Variants in RMDN1 observed in about 807,000 individuals in gnomAD.
The protein encoded by RMDN1 is regulator of microtubule dynamics protein 1.
RMDN1 carries 48 observed loss-of-function variants against 48.9 expected under a neutral mutation model. The observed-to-expected ratio is 0.98, with a 90% CI of 0.78 to 1.25. The LOEUF is 1.25. Ranked by LOEUF, RMDN1 falls within the 50% of genes most tolerant of loss-of-function variation. The pLI, the probability that RMDN1 is intolerant of heterozygous loss-of-function variation, is 0.00. For missense variants in RMDN1, 418 were observed against 373.4 expected (o/e 1.12, Z -0.98); for synonymous variants, 148 against 132.6 (o/e 1.12, Z -0.80).
Position 86,497,578 on chromosome 8 carries a change from G to A in RMDN1, c.248-8939C>T, listed in dbSNP as rs983949509. On this transcript the variant is annotated intron_variant, in intron 2 of 9. Coordinates refer to ENST00000406452, the MANE Select transcript of RMDN1 (RefSeq NM_016033.3). ...TAGCCAGGCATGGTGGCACACACCT[G>A]TAATCCCAGCTACTTGGGAGGCCAA... Among the ~76,000 whole-genome samples the A allele has an allele frequency of 5.3e-5, 8 of 151,910 alleles. No individual in the cohort carries two copies. The East Asian group carries it at 1.2e-3, about 22-fold the overall frequency.
In RMDN1 at chr8:86,508,488, G is replaced by A. The variant is rs959859541; in HGVS notation, c.129+4C>T. The A allele has an allele frequency of 3.2e-6, 5 of 1,544,908 alleles. No individual in the cohort carries two copies. Among genetic ancestry groups the A allele is most frequent in the Non-Finnish European group, 4.4e-6 (5 of 1,145,396 alleles). On this transcript the variant is annotated splice_donor_region_variant and intron_variant, in intron 1 of 9. Transcript: ENST00000406452. Reference sequence around the variant, plus strand: ...AGGAGCGGGAGCCAGGACCACGGGGGTACCTCGAAGCCGCGGAATCGACAG... The same window carrying A: ...AGGAGCGGGAGCCAGGACCACGGGGATACCTCGAAGCCGCGGAATCGACAG...
chr8:86,490,915 T>C (rs1816377800), intron 2 of RMDN1, among the ~76,000 whole-genome samples: 1 of 151,876 alleles, frequency 6.6e-6, no homozygotes, highest in African/African-American at 2.4e-5. Context: ...CCCAACACTT[T>C]GGGAGGCTGA....
intron 3 of RMDN1, among the ~76,000 whole-genome samples, chr8:86,487,380 G>A (rs141327295): frequency 2.0e-4 from 30 of 152,184 alleles, no homozygotes; most frequent in Non-Finnish European, 4.0e-4. Context: ...AAGGCGGGCA[G>A]ATCACCTGAG....
At position 86,474,305 on chromosome 8, in the gene RMDN1, T is replaced by C; in HGVS notation, c.*3A>G. On this transcript the variant is annotated 3_prime_UTR_variant, in exon 10 of 10. Coordinates refer to ENST00000406452, the MANE Select transcript of RMDN1 (RefSeq NM_016033.3). The stretch of plus-strand genomic sequence containing the variant: ...TATTTCATAAATCTTCTCTGAAAAG[T>C]TCTCAATTCTTCTCACTGAAACTTG... 6.2e-7 allele frequency: 1 copy of C among 1,613,490 alleles called. No individual in the cohort carries two copies. The highest frequency in any genetic ancestry group is 8.5e-7 in the Non-Finnish European group (1 of 1,179,760).
intron 2 of RMDN1, among the ~76,000 whole-genome samples, chr8:86,502,868 C>T (rs1818498462): frequency 2.0e-5 from 3 of 152,156 alleles, no homozygotes; most frequent in Admixed American, 6.6e-5. Flanking sequence ...TCAAACTCAA[C>T]CCTTTAAAAA....
intron 2 of RMDN1, among the ~76,000 whole-genome samples, chr8:86,498,149 G>C (rs935217975): frequency 1.4e-4 from 21 of 151,952 alleles, no homozygotes; most frequent in African/African-American, 5.1e-4. Context: ...ATACAAACTA[G>C]AAAACACAGA....
chr8:86,483,690 G>A (rs1387146483), intron 5 of RMDN1, among the ~76,000 whole-genome samples: 1 of 152,092 alleles, frequency 6.6e-6, no homozygotes. Context: ...ATATAAACTA[G>A]GAATTGACAC....
intron 2 of RMDN1, chr8:86,504,508 A>G (rs1818946146): frequency 2.0e-6 from 3 of 1,506,066 alleles, no homozygotes; most frequent in Non-Finnish European, 2.8e-6. Context: ...CTATGCCACC[A>G]TTGGTGCACG....
Position 86,473,176 on chromosome 8 carries a change from A to G in RMDN1, c.*1132T>C. ...TCCTTTTTGTTTGAAAATGTACATGACAAACATATCCATACAGTTCATTGT... is the reference window on the plus strand; with the variant it reads ...TCCTTTTTGTTTGAAAATGTACATGGCAAACATATCCATACAGTTCATTGT... On this transcript the variant is annotated 3_prime_UTR_variant, in exon 10 of 10. Coordinates refer to ENST00000406452, the MANE Select transcript of RMDN1 (RefSeq NM_016033.3). 2 of 985,174 alleles carry G rather than the reference A, an allele frequency of 2.0e-6. No homozygotes were observed. The highest frequency in any genetic ancestry group is 2.4e-6 in the Non-Finnish European group (2 of 829,766). 61.0% of individuals were successfully genotyped at this position (985,174 alleles called of 1,614,324 possible). A position where few individuals can be genotyped will look rare whatever the true frequency, so the allele number is the denominator to read the frequency against.
chr8:86,478,108 C>T (rs990788693), intron 7 of RMDN1: 6 of 152,202 alleles, frequency 3.9e-5, no homozygotes, highest in African/African-American at 1.4e-4. Context: ...TGGTCTCAAA[C>T]TCCCAGGCTC....
At chr8:86,480,427 A>C in intron 5 of RMDN1, 95 bp from the exon 6 acceptor site, 1 of 618,096 alleles carries the variant, frequency 1.6e-6, no homozygotes, top group Non-Finnish European at 2.8e-6. Context: ...TTTTTAAAAA[A>C]TGCAACTGTG....
upstream of RMDN1, chr8:86,514,351 A>T (rs62510803): frequency 4.0e-6 from 3 of 744,498 alleles, no homozygotes; most frequent in Non-Finnish European, 4.9e-6. Context: ...CTCCCTGCGG[A>T]TGGGCTGATC....
Position 86,488,584 on chromosome 8 carries a change from T to A in RMDN1, c.303A>T (p.Lys101Asn), listed in dbSNP as rs1338159815. 6.2e-7 allele frequency: 1 copy of A among 1,611,140 alleles called. No homozygotes were observed. Among genetic ancestry groups the A allele is most frequent in the Non-Finnish European group, 8.5e-7 (1 of 1,178,614 alleles). Residue 101 changes from lysine (K) to asparagine (N), a missense_variant, in exon 3 of 10, where the codon AAA becomes AAT. Transcript: ENST00000406452. ...TGTATTGGGTTAGCAACTGATAAAG[T>A]TTTTCTGTTTCTCCGCTTTCATACA... Reference protein sequence around the residue: ...DYLYESGETEKLYQLLTQYKE... With the variant: ...DYLYESGETENLYQLLTQYKE...
chr8:86,503,385 A>AAAAAAC (rs1554594088), intron 2 of RMDN1, among the ~76,000 whole-genome samples: 16 of 81,070 alleles, frequency 2.0e-4, no homozygotes, highest in African/African-American at 8.9e-4. Flanking sequence ...AAAAAAAAAA[A>AAAAAAC]AAAACAAAAA....
chr8:86,475,124 TA>T (rs991307387), intron 8 of RMDN1, 171 bp from the exon 9 acceptor site: 60 of 528,006 alleles, frequency 1.1e-4, no homozygotes, highest in African/African-American at 1.1e-3. Context: ...ATTTGTAAAA[TA>T]ATAATTACCA....
At chr8:86,490,019 G>A (rs943483407) in intron 2 of RMDN1, among the ~76,000 whole-genome samples, 15 of 152,046 alleles carry the variant, frequency 9.9e-5, no homozygotes, top group African/African-American at 3.6e-4. Context: ...ATTTTTCTCA[G>A]TAATCCCACT....
Position 86,484,871 on chromosome 8 carries a change from C to T in RMDN1, c.585+1G>A, listed in dbSNP as rs1323888541. 6.4e-7 allele frequency: 1 copy of T among 1,553,468 alleles called. No homozygotes were observed. On this transcript the variant is annotated splice_donor_variant, in intron 5 of 9. Coordinates refer to ENST00000406452, the MANE Select transcript of RMDN1 (RefSeq NM_016033.3). LOFTEE classifies it high-confidence loss of function. The stretch of plus-strand genomic sequence containing the variant: ...CATGAATTTGAATAATTCATCAGTA[C>T]CTCAAAATGCTCCTTGATGATATAT...
At chr8:86,488,752 C>T in intron 2 of RMDN1, 113 bp from the exon 3 acceptor site, 1 of 565,338 alleles carries the variant, frequency 1.8e-6, no homozygotes, top group Non-Finnish European at 3.0e-6. Context: ...AAATTAGATA[C>T]AGAAATGACC....
At chr8:86,486,378 A>T in intron 4 of RMDN1, 106 bp downstream of exon 4, 1 of 774,056 alleles carries the variant, frequency 1.3e-6, no homozygotes, top group Non-Finnish European at 1.8e-6. Context: ...AAGAAAAAAA[A>T]ACTTAAAATA....
Sources: allele counts gnomAD v4.1 joint callset (sites outside exome capture counted in the v4.1 genomes callset), GRCh38; gene constraint gnomAD v4.1.1; transcripts MANE v1.5; gene names NCBI Gene and HGNC (gene_info 2026-07-23, HGNC 2026-07-21).